Variants in NEK8 observed in about 807,000 individuals in gnomAD.
NEK8 encodes the protein NIMA related kinase 8.
NEK8 carries 51 observed loss-of-function variants against 77.2 expected under a neutral mutation model. The ratio of observed to expected loss-of-function variants is 0.66; its 90% CI spans 0.53 to 0.83. NEK8 has a LOEUF of 0.83. Among genes scored for constraint, NEK8 ranks in the 40% least tolerant of loss-of-function variants. NEK8 has a pLI of 0.00. For missense variants in NEK8, 787 were observed against 909.2 expected (o/e 0.87, Z 1.73); for synonymous variants, 365 against 363.2 (o/e 1.00, Z -0.06).
At position 28,734,799 on chromosome 17, in the gene NEK8, A is replaced by T. The variant is rs778058090; in HGVS notation, c.281A>T (p.Lys94Met). The change falls in exon 3 of 15, where the codon AAG becomes ATG. Residue 94 changes from lysine (K) to methionine (M), a missense_variant. This residue lies in a region of NEK8 where 271 missense variants were observed against 365.1 expected (regional missense o/e 0.74). Transcript: ENST00000268766. ...PGGTLAEFIQ[K>M]RCNSLLEEET... ...GGCACTCTGGCTGAGTTCATCCAAAAGCGCTGTAATTCCCTGCTGGAGGAG... is the reference window on the plus strand; with the variant it reads ...GGCACTCTGGCTGAGTTCATCCAAATGCGCTGTAATTCCCTGCTGGAGGAG... The T allele has an allele frequency of 6.2e-7, 1 of 1,613,802 alleles. No individual in the cohort carries two copies. The highest frequency in any genetic ancestry group is 1.1e-5 in the South Asian group (1 of 91,078).
intron 1 of NEK8, 79 bp downstream of exon 1, chr17:28,728,939 C>G (rs1300539899): frequency 7.9e-7 from 1 of 1,270,642 alleles, no homozygotes. Flanking sequence ...AGTCGCCGCC[C>G]GCCTAATCCC....
intron 10 of NEK8, 59 bp downstream of exon 10, chr17:28,739,260 T>A: frequency 9.2e-7 from 1 of 1,089,790 alleles, no homozygotes; most frequent in East Asian, 2.3e-5. Flanking sequence ...TTGCTCCCCT[T>A]CATACCCACC....
At position 28,741,295 on chromosome 17, in the gene NEK8, C is replaced by A; in HGVS notation, c.1891+59C>A. Reference sequence around the variant, plus strand: ...CATGAGCAGTGGGGGGTGGGGGTTGCTATTCAGGGCCACTGGACTCTGGAG... The same window carrying A: ...CATGAGCAGTGGGGGGTGGGGGTTGATATTCAGGGCCACTGGACTCTGGAG... On this transcript the variant is annotated intron_variant, in intron 13 of 14. Coordinates refer to ENST00000268766, the MANE Select transcript of NEK8 (RefSeq NM_178170.3). The surrounding 1 kb of genome is among the most constrained non-coding windows in gnomAD (Gnocchi z 4.5). The A allele has an allele frequency of 6.3e-7, 1 of 1,592,880 alleles. No homozygotes were observed. Among genetic ancestry groups the A allele is most frequent in the South Asian group, 1.1e-5 (1 of 88,338 alleles).
At position 28,741,640 on chromosome 17, in the gene NEK8, G is replaced by A; in HGVS notation, c.2050+69G>A. The A allele has an allele frequency of 1.3e-6, 2 of 1,505,704 alleles. No homozygotes were observed. The highest frequency in any genetic ancestry group is 1.8e-6 in the Non-Finnish European group (2 of 1,083,668). The allele number at this position is 1,505,704 out of a possible 1,614,324, so 93.3% of individuals were successfully genotyped here. ...CCCTGTCCACACTCCCATCCCCAGT[G>A]TTCACAGATGGCCACATCACCAAAA... On this transcript the variant is annotated intron_variant, in intron 14 of 14. Transcript: ENST00000268766. This position sits in a 1 kb window ranked among gnomAD's most constrained non-coding sequence, Gnocchi z 4.5.
Position 28,741,899 on chromosome 17 carries a change from G to A in NEK8, c.2051-60G>A, listed in dbSNP as rs1597808626. 7.6e-6 allele frequency: 12 copies of A among 1,578,808 alleles called. No homozygotes were observed. The East Asian group carries it at 2.2e-4, about 29-fold the overall frequency. The stretch of plus-strand genomic sequence containing the variant: ...GGCCCAGTGGGAGTGGGAGGTGGGT[G>A]ATGATTTCTGGAGGCACTGCCCTCA... On this transcript the variant is annotated intron_variant, in intron 14 of 14. Transcript: ENST00000268766. This position sits in a 1 kb window ranked among gnomAD's most constrained non-coding sequence, Gnocchi z 4.5.
chr17:28,739,635 G>T (rs1005755449), intron 10 of NEK8, among the ~76,000 whole-genome samples: 6 of 152,278 alleles, frequency 3.9e-5, no homozygotes, highest in African/African-American at 1.4e-4. Flanking sequence ...TTTTAGTAGA[G>T]ACAGGGTTTC....
Position 28,738,097 on chromosome 17 carries a change from C to T in NEK8, c.1074C>T (p.Ala358=). The change falls in exon 8 of 15, where the codon GCC becomes GCT. Residue 358 remains alanine, a splice_region_variant and synonymous_variant. Transcript: ENST00000268766. ...TRSGRLILWE[A]PPLGAGGGSL... ...TGCCCATCCCCCTGCCCCTGCAGGC[C>T]CCACCCCTAGGTGCAGGCGGAGGCA... is the stretch of plus-strand genomic sequence containing the variant. 1 of 1,613,432 alleles carries T rather than the reference C, an allele frequency of 6.2e-7. No homozygotes were observed. The highest frequency in any genetic ancestry group is 8.5e-7 in the Non-Finnish European group (1 of 1,179,732).
intron 3 of NEK8, 67 bp downstream of exon 3, chr17:28,735,071 C>T: frequency 1.3e-6 from 2 of 1,501,194 alleles, no homozygotes; most frequent in Non-Finnish European, 9.2e-7. Context: ...AACCCTGCCT[C>T]CTCCCCTCCC....
Position 28,741,320 on chromosome 17 carries a change from G to A in NEK8, c.1891+84G>A. On this transcript the variant is annotated intron_variant, in intron 13 of 14. Transcript: ENST00000268766. The surrounding 1 kb of genome is among the most constrained non-coding windows in gnomAD (Gnocchi z 4.5). Reference sequence around the variant, plus strand: ...CTATTCAGGGCCACTGGACTCTGGAGCCTCCCAGGGGCCATCCTGGCAATG... The same window carrying A: ...CTATTCAGGGCCACTGGACTCTGGAACCTCCCAGGGGCCATCCTGGCAATG... 3 of 1,596,852 alleles carry A rather than the reference G, an allele frequency of 1.9e-6. No individual in the cohort carries two copies. Among genetic ancestry groups the A allele is most frequent in the Non-Finnish European group, 2.6e-6 (3 of 1,170,072 alleles).
At chr17:28,735,768 G>A (rs2034358097) in intron 4 of NEK8, among the ~76,000 whole-genome samples, 1 of 149,932 alleles carries the variant, frequency 6.7e-6, no homozygotes, top group Non-Finnish European at 1.5e-5. Context: ...AGCTGTTATT[G>A]TTTATTTATT....
chr17:28,733,748 G>A (rs1490559217), intron 1 of NEK8, among the ~76,000 whole-genome samples: 1 of 152,206 alleles, frequency 6.6e-6, no homozygotes, highest in South Asian at 2.1e-4. Context: ...CAGTCTGTGG[G>A]AACTTAGAGA....
At position 28,739,113 on chromosome 17, in the gene NEK8, T is replaced by C; in HGVS notation, c.1329T>C (p.Tyr443=). 6.2e-7 allele frequency: 1 copy of C among 1,614,098 alleles called. No individual in the cohort carries two copies. The highest frequency in any genetic ancestry group is 1.1e-5 in the South Asian group (1 of 91,084). The change falls in exon 10 of 15, where the codon TAT becomes TAC. Residue 443 remains tyrosine, a synonymous_variant. Transcript: ENST00000268766. ...QPTIVEALLG[Y]EMVQVACGAS... ...CCATTGTGGAGGCTTTGCTGGGCTA[T>C]GAAATGGTGCAGGTGGCCTGTGGGG...
chr17:28,739,001 C>T lies in NEK8; in HGVS notation c.1300-83C>T, dbSNP rs1000606727. ...CCACCTCCTGAGAATGTGTAGCCTC[C>T]AGCTTTGTCCCTACAGGGGGTGTTG... On this transcript the variant is annotated intron_variant, in intron 9 of 14. Transcript: ENST00000268766. 12 of 1,019,512 alleles carry T rather than the reference C, an allele frequency of 1.2e-5. No individual in the cohort carries two copies. The African/African-American group carries it at 1.4e-4, about 12-fold the overall frequency. 63.2% of individuals were successfully genotyped at this position (1,019,512 alleles called of 1,614,324 possible).
At chr17:28,734,355 C>A in intron 2 of NEK8, 167 bp downstream of exon 2, 1 of 673,960 alleles carries the variant, frequency 1.5e-6, no homozygotes, top group South Asian at 1.7e-5. Context: ...GGTCCCAGTG[C>A]CCTGTTCCAT....
Position 28,741,881 on chromosome 17 carries a change from T to A in NEK8, c.2051-78T>A, listed in dbSNP as rs755850660. ...ACAGGGTCCAGAATCCAGGGCCCAG[T>A]GGGAGTGGGAGGTGGGTGATGATTT... On this transcript the variant is annotated intron_variant, in intron 14 of 14. Coordinates refer to ENST00000268766, the MANE Select transcript of NEK8 (RefSeq NM_178170.3). This position sits in a 1 kb window ranked among gnomAD's most constrained non-coding sequence, Gnocchi z 4.5. The A allele has an allele frequency of 1.4e-4, 199 of 1,458,674 alleles. No individual in the cohort carries two copies. The highest frequency in any genetic ancestry group is 1.9e-4 in the Non-Finnish European group (195 of 1,038,296). 90.4% of individuals were successfully genotyped at this position (1,458,674 alleles called of 1,614,324 possible). A position where few individuals can be genotyped will look rare whatever the true frequency, so the allele number is the denominator to read the frequency against.
intron 1 of NEK8, among the ~76,000 whole-genome samples, chr17:28,729,532 A>ATTTTTTTTTTTTTTTTTT (rs10523946): frequency 1.0e-5 from 1 of 98,350 alleles, no homozygotes; most frequent in African/African-American, 4.3e-5. Flanking sequence ...AATTTTTTGG[A>ATTTTTTTTTTTTTTTTTT]TTTTTTTTTT....
intron 1 of NEK8, among the ~76,000 whole-genome samples, chr17:28,729,532 ATTTTTTTTTT>A (rs10523946): frequency 1.0e-5 from 1 of 98,340 alleles, no homozygotes; most frequent in African/African-American, 4.3e-5. Context: ...AATTTTTTGG[ATTTTTTTTTT>A]TTTTTTTTTT....
In NEK8 at chr17:28,734,773, C is replaced by T. The variant is rs754997427; in HGVS notation, c.255C>T (p.Gly85=). 5 of 1,610,010 alleles carry T rather than the reference C, an allele frequency of 3.1e-6. No individual in the cohort carries two copies. Among genetic ancestry groups the T allele is most frequent in the East Asian group, 2.2e-5 (1 of 44,850 alleles). Residue 85 remains glycine, a splice_region_variant and synonymous_variant, in exon 3 of 15, where the codon GGC becomes GGT. Coordinates refer to ENST00000268766, the MANE Select transcript of NEK8 (RefSeq NM_178170.3). Reference sequence around the variant, plus strand: ...CTTGATTAGTCCCTTGGGCCACAGGCGGCACTCTGGCTGAGTTCATCCAAA... The same window carrying T: ...CTTGATTAGTCCCTTGGGCCACAGGTGGCACTCTGGCTGAGTTCATCCAAA... ...ALMIAMEYAP[G]GTLAEFIQKR...
Position 28,741,978 on chromosome 17 carries a change from C to T in NEK8, c.2070C>T (p.Val690=). Residue 690 remains valine, a synonymous_variant, in exon 15 of 15, where the codon GTC becomes GTT. Transcript: ENST00000268766. The surrounding 1 kb of genome is among the most constrained non-coding windows in gnomAD (Gnocchi z 4.5). ...CTCCAGCGGTCACAGATGAGCCGGT[C>T]CCCCCCTGAGGCACCCGGATTCACC... The part of the protein sequence containing the change: ...LAVRSVTDEP[V]PP 6.2e-7 allele frequency: 1 copy of T among 1,612,914 alleles called. No homozygotes were observed. The highest frequency in any genetic ancestry group is 1.3e-5 in the African/African-American group (1 of 74,982).
Sources: gnomAD v4.1 joint callset for allele counts (sites outside exome capture counted in the v4.1 genomes callset) on GRCh38, gnomAD v4.1.1 for gene constraint, gnomAD v4.1.1 regional missense constraint, Gnocchi (gnomAD v3.1) non-coding constraint, MANE v1.5 for transcripts, NCBI Gene and HGNC (gene_info 2026-07-23, HGNC 2026-07-21) for gene names.